Variants in B4GALNT3 observed in about 807,000 individuals in gnomAD.
B4GALNT3 encodes beta-1,4-N-acetyl-galactosaminyltransferase 3, also known as beta-1,4-N-acetylgalactosaminyltransferase 3.
A neutral mutation model predicts 120.2 loss-of-function variants in B4GALNT3; 86 were observed. The ratio of observed to expected loss-of-function variants is 0.72; its 90% CI spans 0.60 to 0.86. The LOEUF is 0.86. Among genes scored for constraint, B4GALNT3 ranks in the 40% least tolerant of loss-of-function variants. The pLI is 0.00. For missense variants in B4GALNT3, 1,167 were observed against 1,298.9 expected, an observed-to-expected ratio of 0.90 and a Z score of 1.56; for synonymous variants, 518 against 510.4, an observed-to-expected ratio of 1.01 and a Z score of -0.20.
chr12:556,425 G>C (rs1592059074), intron 14 of B4GALNT3, 122 bp from the exon 15 acceptor site: 2 of 950,254 alleles, frequency 2.1e-6, no homozygotes, highest in East Asian at 5.0e-5. Context: ...TAGCCAGCCA[G>C]TGGCAAAGCT....
chr12:512,426 C>A (rs200237761), intron 1 of B4GALNT3, among the ~76,000 whole-genome samples: 121 of 141,304 alleles, frequency 8.6e-4, no homozygotes, highest in South Asian at 1.5e-3. Flanking sequence ...CGCCTTCCGC[C>A]TTCCGCCTTC....
intron 1 of B4GALNT3, among the ~76,000 whole-genome samples, chr12:534,595 G>A (rs1307897942): frequency 6.6e-6 from 1 of 152,202 alleles, no homozygotes; most frequent in Non-Finnish European, 1.5e-5. Context: ...GGTGACTCCA[G>A]TAATAGCAGG....
intron 1 of B4GALNT3, among the ~76,000 whole-genome samples, chr12:500,052 G>A (rs1477437792): frequency 6.6e-6 from 1 of 152,186 alleles, no homozygotes; most frequent in Non-Finnish European, 1.5e-5. Flanking sequence ...CGATAGCACA[G>A]CATCCTCTAA....
chr12:541,087 C>T (rs1448238467), intron 3 of B4GALNT3, among the ~76,000 whole-genome samples: 7 of 152,160 alleles, frequency 4.6e-5, no homozygotes, highest in Admixed American at 4.6e-4. Flanking sequence ...CAGATCCGAG[C>T]TTTAGAACGA....
In B4GALNT3 at chr12:553,793, T is replaced by G; in HGVS notation, c.1870T>G (p.Tyr624Asp). The G allele has an allele frequency of 6.2e-7, 1 of 1,614,168 alleles. No individual in the cohort carries two copies. The highest frequency in any genetic ancestry group is 8.5e-7 in the Non-Finnish European group (1 of 1,180,010). ...AGAGGATATGAGTGAGGTGTTCGAG[T>G]ACGTACCTGTGTTTGACCCGGTAGT... ...EEEDMSEVFE[Y>D]VPVFDPVVNW... The change falls in exon 14 of 20, where the codon TAC becomes GAC. Residue 624 changes from tyrosine to aspartate, a missense_variant. Around this residue, in one of 3 missense-constraint regions of B4GALNT3, gnomAD observed 983 missense variants for 1,102.5 expected, o/e 0.89. Coordinates refer to ENST00000266383, the MANE Select transcript of B4GALNT3 (RefSeq NM_173593.4).
intron 1 of B4GALNT3, among the ~76,000 whole-genome samples, chr12:519,541 T>C (rs928802383): frequency 8.6e-5 from 13 of 151,408 alleles, no homozygotes; most frequent in African/African-American, 3.2e-4. Context: ...CCTTTCATCC[T>C]GGAGCTTTCT....
rs867829259 is a variant in B4GALNT3 at position 544,825 on chromosome 12, G to A, written c.448-57G>A. The A allele has an allele frequency of 5.4e-5, 85 of 1,559,896 alleles. 3 individuals are homozygous for A. The Middle Eastern group carries it at 0.012, about 215-fold the overall frequency. On this transcript the variant is annotated intron_variant, in intron 4 of 19. Coordinates refer to ENST00000266383, the MANE Select transcript of B4GALNT3 (RefSeq NM_173593.4). The stretch of plus-strand genomic sequence containing the variant: ...TCCTGGTCTTCCCGCCAATCCTGGC[G>A]GGAAGTTTCCTTTTCCCTCTTCTGG...
chr12:533,849 A>T (rs1341235377), intron 1 of B4GALNT3, among the ~76,000 whole-genome samples: 1 of 151,468 alleles, frequency 6.6e-6, no homozygotes, highest in Non-Finnish European at 1.5e-5. Flanking sequence ...CCCTGATCCC[A>T]CCCCTCCCCA....
rs951480727 is a variant in B4GALNT3 at position 528,074 on chromosome 12, G to A, written c.170-7092G>A. Among the ~76,000 whole-genome samples, 7 of 152,014 alleles carry A rather than the reference G, an allele frequency of 4.6e-5. No individual in the cohort carries two copies. The South Asian group carries it at 6.2e-4, about 14-fold the overall frequency. ...GAGGCAGACACAAATTCTCAAGCAC[G>A]TTCAATGTAGAGTAGTGGAATTTGG... On this transcript the variant is annotated intron_variant, in intron 1 of 19. Transcript: ENST00000266383.
rs1050253589 is a variant in B4GALNT3, at chr12:549,852, A to G, written c.937A>G (p.Arg313Gly). Residue 313 changes from arginine to glycine, a missense_variant, in exon 10 of 20, where the codon AGG becomes GGG. This residue lies in a region of B4GALNT3 where 983 missense variants were observed against 1,102.5 expected (regional missense o/e 0.89). Coordinates refer to ENST00000266383, the MANE Select transcript of B4GALNT3 (RefSeq NM_173593.4). Reference sequence around the variant, plus strand: ...CGTGGACTCCTCCAACGCTCTTCCCAGGGATGAGCAGCCGCCCGCTGACAT... The same window carrying G: ...CGTGGACTCCTCCAACGCTCTTCCCGGGGATGAGCAGCCGCCCGCTGACAT... ...SHVDSSNALP[R>G]DEQPPADMLR... The G allele has an allele frequency of 1.2e-6, 2 of 1,613,730 alleles. No individual in the cohort carries two copies. Among genetic ancestry groups the G allele is most frequent in the Non-Finnish European group, 1.7e-6 (2 of 1,180,008 alleles).
intron 1 of B4GALNT3, among the ~76,000 whole-genome samples, chr12:501,473 C>T (rs1006872496): frequency 1.3e-5 from 2 of 152,032 alleles, no homozygotes; most frequent in East Asian, 1.9e-4. Flanking sequence ...CCCAGCTACT[C>T]GGGAGGCTGA....
chr12:470,593 A>T (rs939066233), intron 1 of B4GALNT3, among the ~76,000 whole-genome samples: 1 of 152,342 alleles, frequency 6.6e-6, no homozygotes, highest in Middle Eastern at 3.4e-3. Flanking sequence ...GGGAAAGGGC[A>T]GTGGAGATGG....
At chr12:552,330 C>G (rs960331594) in intron 12 of B4GALNT3, 137 bp from the exon 13 acceptor site, 3 of 913,182 alleles carry the variant, frequency 3.3e-6, no homozygotes, top group Non-Finnish European at 5.3e-6. Context: ...CACACACACA[C>G]ACACACCCGC....
intron 2 of B4GALNT3, 74 bp downstream of exon 2, chr12:535,343 T>A: frequency 7.6e-7 from 1 of 1,308,736 alleles, no homozygotes; most frequent in Non-Finnish European, 1.1e-6. Context: ...CCAGTTGCCT[T>A]AAGGGTAACC....
chr12:462,226 A>C (rs1238230052), intron 1 of B4GALNT3, among the ~76,000 whole-genome samples: 1 of 151,788 alleles, frequency 6.6e-6, no homozygotes, highest in Non-Finnish European at 1.5e-5. Flanking sequence ...GGGAGGCGAC[A>C]CCTCCTCCCA....
intron 1 of B4GALNT3, among the ~76,000 whole-genome samples, chr12:464,876 C>T (rs1419239281): frequency 6.6e-6 from 1 of 152,164 alleles, no homozygotes; most frequent in African/African-American, 2.4e-5. Context: ...CTCGAGTGGG[C>T]TGAGGGAGGC....
chr12:541,920 C>T (rs1456517564), intron 3 of B4GALNT3, among the ~76,000 whole-genome samples: 2 of 149,270 alleles, frequency 1.3e-5, no homozygotes, highest in Admixed American at 1.3e-4. Flanking sequence ...GCATGCCCTC[C>T]CCCACTGCCC....
At position 544,803 on chromosome 12, in the gene B4GALNT3, T is replaced by C. The variant is rs543301629; in HGVS notation, c.448-79T>C. 62 of 1,426,684 alleles carry C rather than the reference T, an allele frequency of 4.3e-5. No homozygotes were observed. In the African/African-American group the frequency reaches 7.1e-4, roughly 16 times the overall value. 88.4% of individuals were successfully genotyped at this position (1,426,684 alleles called of 1,614,324 possible). A position where few individuals can be genotyped will look rare whatever the true frequency, so the allele number is the denominator to read the frequency against. On this transcript the variant is annotated intron_variant, in intron 4 of 19. Transcript: ENST00000266383. ...GGTCCCTCCTGTCATAGTCCCCTCC[T>C]GGTCTTCCCGCCAATCCTGGCGGGA...
chr12:535,262 G>T lies in B4GALNT3; in HGVS notation c.266G>T (p.Ser89Ile). The T allele has an allele frequency of 6.2e-7, 1 of 1,613,788 alleles. No homozygotes were observed. Among genetic ancestry groups the T allele is most frequent in the Non-Finnish European group, 8.5e-7 (1 of 1,179,894 alleles). ...CAGTTCTACCATCCCCAGAGGCTGA[G>T]CCTCGAGGTAGGTGACCAGCCAGTC... ...HLQFYHPQRL[S>I]LEDHDIDQGV... is the part of the protein sequence containing the mutation. The change falls in exon 2 of 20, where the codon AGC becomes ATC. Residue 89 changes from serine (S) to isoleucine (I), a missense_variant. Physicochemically the swap from Ser to Ile is moderately radical, Grantham distance 142. Coordinates refer to ENST00000266383, the MANE Select transcript of B4GALNT3 (RefSeq NM_173593.4).
Sources: allele counts gnomAD v4.1 joint callset (sites outside exome capture counted in the v4.1 genomes callset), GRCh38; gene constraint gnomAD v4.1.1; regional missense constraint gnomAD v4.1.1; transcripts MANE v1.5; gene names NCBI Gene and HGNC (gene_info 2026-07-23, HGNC 2026-07-21).